Variants in PUS10 observed in about 807,000 individuals in gnomAD.
The protein encoded by PUS10 is tRNA pseudouridine synthase Pus10.
A neutral mutation model predicts 75.0 loss-of-function variants in PUS10; 59 were observed. The ratio of observed to expected loss-of-function variants is 0.79; its 90% confidence interval spans 0.64 to 0.98. The LOEUF (loss-of-function observed/expected upper bound fraction) is 0.98. Ranked by LOEUF, PUS10 falls within the 50% of genes least tolerant of loss-of-function variation. PUS10 has a pLI of 0.00. For synonymous variants in PUS10, 219 were observed against 211.6 expected (o/e 1.03, Z -0.30); for missense variants, 650 against 614.4 (o/e 1.06, Z -0.61).
At chr2:60,952,334 CAAAAAAAAA>C (rs78551218) in intron 15 of PUS10, among the ~76,000 whole-genome samples, 2 of 100,472 alleles carry the variant, frequency 2.0e-5, no homozygotes, top group South Asian at 4.1e-4. Flanking sequence ...GACTCTGTCT[CAAAAAAAAA>C]AAAAAAAAAG....
chr2:60,990,692 G>C lies in PUS10; in HGVS notation c.468+15865C>G, dbSNP rs551685469. Among the ~76,000 whole-genome samples, 11 of 152,300 alleles carry C rather than the reference G, an allele frequency of 7.2e-5. No homozygotes were observed. In the East Asian group the frequency reaches 1.9e-3, roughly 27 times the overall value. The stretch of plus-strand genomic sequence containing the variant: ...GAAAACAAAAATCCTCTCTGGAGGA[G>C]AACATTATTTTAGTTTCAAATTATA... On this transcript the variant is annotated intron_variant, in intron 4 of 17. Transcript: ENST00000316752.
chr2:60,959,635 C>T (rs763873598), intron 11 of PUS10, among the ~76,000 whole-genome samples: 167 of 152,066 alleles, frequency 1.1e-3, no homozygotes, highest in Non-Finnish European at 2.2e-3. Context: ...GTGATTCGCC[C>T]GCCTCAGCCA....
intron 4 of PUS10, among the ~76,000 whole-genome samples, chr2:60,995,068 T>C (rs1678362088): frequency 6.6e-6 from 1 of 152,106 alleles, no homozygotes; most frequent in African/African-American, 2.4e-5. Flanking sequence ...CCAGCCTGGG[T>C]GACAGAGTGA....
At chr2:60,965,594 C>A in intron 6 of PUS10, 110 bp from the exon 7 acceptor site, 2 of 769,922 alleles carry the variant, frequency 2.6e-6, no homozygotes, top group Non-Finnish European at 2.1e-6. Flanking sequence ...AAAGAATGAC[C>A]AGAAAAACTG....
intron 17 of PUS10, 129 bp downstream of exon 17, chr2:60,944,880 T>C: frequency 3.0e-6 from 2 of 668,286 alleles, no homozygotes; most frequent in Non-Finnish European, 5.3e-6. Flanking sequence ...CAATACAATG[T>C]TACTGTGAGA....
At chr2:60,968,766 A>G (rs1027310088) in intron 5 of PUS10, among the ~76,000 whole-genome samples, 10 of 152,196 alleles carry the variant, frequency 6.6e-5, no homozygotes, top group Admixed American at 2.0e-4. Flanking sequence ...GAGCTTTCAT[A>G]TGGTTTGGGA....
intron 1 of PUS10, among the ~76,000 whole-genome samples, chr2:61,015,559 C>G (rs1330719606): frequency 6.6e-6 from 1 of 151,890 alleles, no homozygotes; most frequent in African/African-American, 2.4e-5. Flanking sequence ...ATTAGCCATG[C>G]GTGGTGGCAC....
chr2:60,977,491 A>C (rs563149613), intron 4 of PUS10, among the ~76,000 whole-genome samples: 21 of 152,320 alleles, frequency 1.4e-4, no homozygotes, highest in Admixed American at 3.9e-4. Flanking sequence ...GCGGCAGCAC[A>C]AAGAAACATT....
chr2:60,988,396 C>T (rs1226778686), intron 4 of PUS10, among the ~76,000 whole-genome samples: 1 of 151,766 alleles, frequency 6.6e-6, no homozygotes, highest in Admixed American at 6.6e-5. Flanking sequence ...AAAATAAAAA[C>T]TAGATTGGTA....
intron 11 of PUS10, among the ~76,000 whole-genome samples, chr2:60,956,972 C>T (rs1167429207): frequency 1.4e-4 from 6 of 43,738 alleles, no homozygotes; most frequent in African/African-American, 8.0e-4. Context: ...GAGACTCCAT[C>T]TCAAAAAAAA....
chr2:61,002,368 T>G (rs192261150), intron 4 of PUS10, among the ~76,000 whole-genome samples: 1 of 152,360 alleles, frequency 6.6e-6, no homozygotes, highest in Admixed American at 6.5e-5. Context: ...CCTTTGTGAT[T>G]ATTTTGTATC....
At chr2:60,947,828 C>CAAAA (rs890632119) in intron 16 of PUS10, among the ~76,000 whole-genome samples, 28 of 45,970 alleles carry the variant, frequency 6.1e-4, no homozygotes, top group African/African-American at 1.8e-3. Flanking sequence ...GACTCTGCCT[C>CAAAA]AAAAAAAAAA....
rs577309123 is a variant in PUS10 at position 60,941,591 on chromosome 2, A to G, written c.*804T>C. The G allele has an allele frequency of 1.3e-5, 2 of 152,464 alleles. No homozygotes were observed. Among genetic ancestry groups the G allele is most frequent in the South Asian group, 4.1e-4 (2 of 4,826 alleles). 9.4% of individuals were successfully genotyped at this position (152,464 alleles called of 1,614,324 possible). On this transcript the variant is annotated 3_prime_UTR_variant, in exon 18 of 18. Coordinates refer to ENST00000316752, the MANE Select transcript of PUS10 (RefSeq NM_144709.4). ...GGATAATATATTGAAGCATTCTGAA[A>G]TAATACCAGTTCGTCTTTGTTTAGC...
rs1191946642 is a variant in PUS10 at position 60,985,838 on chromosome 2, G to A, written c.469-14281C>T. Among the ~76,000 whole-genome samples the A allele has an allele frequency of 4.0e-5, 6 of 151,034 alleles. No homozygotes were observed. In the South Asian group the frequency reaches 8.4e-4, roughly 21 times the overall value. ...TTATTCCTCAGTGTCTTATTTGGAT[G>A]GGGCCGTATCTAATGGGTTTACTCT... On this transcript the variant is annotated intron_variant, in intron 4 of 17. Transcript: ENST00000316752.
At chr2:61,006,688 A>G (rs1679234472) in intron 3 of PUS10, 45 bp from the exon 4 acceptor site, 2 of 1,429,540 alleles carry the variant, frequency 1.4e-6, no homozygotes. Context: ...AATTGCTGAA[A>G]ATATTACTTA....
At chr2:61,005,357 C>T (rs1293758815) in intron 4 of PUS10, among the ~76,000 whole-genome samples, 1 of 152,080 alleles carries the variant, frequency 6.6e-6, no homozygotes. Flanking sequence ...TTGTTAAAAT[C>T]ATCAAATAAG....
At chr2:60,949,803 A>T (rs1675224742) in intron 15 of PUS10, among the ~76,000 whole-genome samples, 1 of 152,172 alleles carries the variant, frequency 6.6e-6, no homozygotes, top group Non-Finnish European at 1.5e-5. Context: ...CCCAGGCTGG[A>T]GTGCAATGGC....
chr2:61,015,264 C>A (rs1428797995), intron 1 of PUS10, among the ~76,000 whole-genome samples: 1 of 152,156 alleles, frequency 6.6e-6, no homozygotes, highest in East Asian at 1.9e-4. Context: ...CTTTGGGAGG[C>A]CGAGGCAGGC....
chr2:60,965,553 A>G, intron 6 of PUS10, 69 bp from the exon 7 acceptor site: 2 of 1,080,052 alleles, frequency 1.9e-6, no homozygotes, highest in Non-Finnish European at 2.7e-6. Context: ...ATTAATGGAA[A>G]TAGAAATTAA....
Sources: gnomAD v4.1 joint callset for allele counts (sites outside exome capture counted in the v4.1 genomes callset) on GRCh38, gnomAD v4.1.1 for gene constraint, MANE v1.5 for transcripts, NCBI Gene and HGNC (gene_info 2026-07-23, HGNC 2026-07-21) for gene names.